The following AUTS2 variants were observed in gnomAD, a reference collection of about 807,000 sequenced individuals.
AUTS2 encodes activator of transcription and developmental regulator AUTS2, also known as autism susceptibility gene 2 protein.
AUTS2 carries 17 observed loss-of-function variants against 112.4 expected under a neutral mutation model. The ratio of observed to expected loss-of-function variants is 0.15; its 90% CI spans 0.10 to 0.23. The LOEUF is 0.23. Ranked by LOEUF, AUTS2 falls within the 10% of genes least tolerant of loss-of-function variation. The probability of loss-of-function intolerance (pLI) is 1.00; values close to 1 mark genes in which losing one functional copy is unlikely to be tolerated. For missense variants in AUTS2, 1,510 were observed against 1,701.6 expected, an observed-to-expected ratio of 0.89 and a Z score of 1.98; for synonymous variants, 751 against 702.7, an observed-to-expected ratio of 1.07 and a Z score of -1.09.
intron 5 of AUTS2, among the ~76,000 whole-genome samples, chr7:70,686,321 G>A (rs1585505633): frequency 6.6e-6 from 1 of 152,130 alleles, no homozygotes; most frequent in Non-Finnish European, 1.5e-5. Flanking sequence ...AGCAAAGTAG[G>A]TGATGTTATG....
At chr7:70,416,957 G>T (rs1466540434) in intron 4 of AUTS2, among the ~76,000 whole-genome samples, 2 of 152,212 alleles carry the variant, frequency 1.3e-5, no homozygotes, top group Non-Finnish European at 2.9e-5. Flanking sequence ...ACACAGGGAT[G>T]ATTTGAAACA....
chr7:70,524,897 A>G (rs1799779732), intron 5 of AUTS2, among the ~76,000 whole-genome samples: 1 of 152,156 alleles, frequency 6.6e-6, no homozygotes, highest in African/African-American at 2.4e-5. Flanking sequence ...TTAAATAGAG[A>G]GAGTGGTAAA....
chr7:70,680,877 T>C (rs1044109630), intron 5 of AUTS2, among the ~76,000 whole-genome samples: 3 of 152,234 alleles, frequency 2.0e-5, no homozygotes, highest in African/African-American at 7.2e-5. Context: ...TTGTTAGTTA[T>C]AGGCGAGTGG....
At chr7:69,711,597 G>A (rs1798326773) in intron 1 of AUTS2, among the ~76,000 whole-genome samples, 1 of 152,074 alleles carries the variant, frequency 6.6e-6, no homozygotes, top group African/African-American at 2.4e-5. Context: ...ACATTTGCTT[G>A]TTTCCTTTAA....
chr7:70,261,315 C>G (rs934868007), intron 4 of AUTS2, among the ~76,000 whole-genome samples: 1 of 152,106 alleles, frequency 6.6e-6, no homozygotes. Context: ...CCATGTTCAC[C>G]TGGGTGCAGG....
At chr7:70,193,502 G>C (rs1164980424) in intron 4 of AUTS2, among the ~76,000 whole-genome samples, 4 of 152,156 alleles carry the variant, frequency 2.6e-5, no homozygotes, top group Non-Finnish European at 5.9e-5. Flanking sequence ...TTGAGGTTTA[G>C]AGACGTAAAG....
At chr7:70,570,062 T>G (rs1278344825) in intron 5 of AUTS2, among the ~76,000 whole-genome samples, 3 of 152,236 alleles carry the variant, frequency 2.0e-5, no homozygotes. Context: ...CCGTGTTAGC[T>G]GTGCTTATAC....
chr7:69,895,491 T>C (rs1186020498), intron 1 of AUTS2, among the ~76,000 whole-genome samples: 2 of 151,952 alleles, frequency 1.3e-5, no homozygotes, highest in Admixed American at 1.3e-4. Context: ...CATTTCTTCT[T>C]ACCTCTTAAG....
chr7:69,794,573 C>T (rs1468996072), intron 1 of AUTS2, among the ~76,000 whole-genome samples: 2 of 152,146 alleles, frequency 1.3e-5, no homozygotes, highest in Non-Finnish European at 2.9e-5. Flanking sequence ...ATGCATGCTT[C>T]ATATACTTCA....
At chr7:70,032,947 G>A (rs76542101) in intron 2 of AUTS2, among the ~76,000 whole-genome samples, 7,266 of 152,190 alleles carry the variant, frequency 0.048, 271 homozygotes, top group East Asian at 0.12. Context: ...TGCATATGGT[G>A]TGACTATATT....
chr7:70,336,283 CCCCCTCCA>C (rs1790986308), intron 4 of AUTS2, among the ~76,000 whole-genome samples: 1 of 137,478 alleles, frequency 7.3e-6, no homozygotes, highest in Non-Finnish European at 1.6e-5. Context: ...CCCAGCTGCA[CCCCCTCCA>C]CCCCACCCAT....
intron 1 of AUTS2, among the ~76,000 whole-genome samples, chr7:69,789,223 G>A (rs1789510469): frequency 6.6e-6 from 1 of 152,038 alleles, no homozygotes; most frequent in Non-Finnish European, 1.5e-5. Flanking sequence ...TTCAGCAATG[G>A]CTCTCAAACT....
chr7:70,183,447 T>A (rs1428399387), intron 4 of AUTS2, among the ~76,000 whole-genome samples: 1 of 152,244 alleles, frequency 6.6e-6, no homozygotes, highest in African/African-American at 2.4e-5. Context: ...GCATTTCTTA[T>A]CCTGGACTTC....
chr7:70,530,145 G>A (rs963224723), intron 5 of AUTS2, among the ~76,000 whole-genome samples: 2 of 152,206 alleles, frequency 1.3e-5, no homozygotes, highest in African/African-American at 4.8e-5. Context: ...GGGAAGATTG[G>A]GAAGGGGGTG....
At chr7:69,773,159 A>G (rs1788738577) in intron 1 of AUTS2, among the ~76,000 whole-genome samples, 1 of 152,140 alleles carries the variant, frequency 6.6e-6, no homozygotes, top group African/African-American at 2.4e-5. Context: ...GTTCATGTAA[A>G]TGCAGTGTCT....
At chr7:70,256,493 C>G (rs187358626) in intron 4 of AUTS2, among the ~76,000 whole-genome samples, 2 of 152,126 alleles carry the variant, frequency 1.3e-5, no homozygotes, top group African/African-American at 4.8e-5. Flanking sequence ...TCCAAGCTGC[C>G]AAGGACCTGC....
At chr7:70,427,680 T>A (rs1212818129) in intron 4 of AUTS2, among the ~76,000 whole-genome samples, 1 of 152,210 alleles carries the variant, frequency 6.6e-6, no homozygotes, top group Non-Finnish European at 1.5e-5. Flanking sequence ...TTCTAATGGG[T>A]GGTAGAATGA....
intron 4 of AUTS2, among the ~76,000 whole-genome samples, chr7:70,275,284 C>G (rs1209328225): frequency 6.6e-6 from 1 of 152,116 alleles, no homozygotes; most frequent in East Asian, 1.9e-4. Context: ...AAACATTATG[C>G]TGATTGAAAT....
intron 4 of AUTS2, among the ~76,000 whole-genome samples, chr7:70,211,799 A>C (rs1810916013): frequency 6.6e-6 from 1 of 151,986 alleles, no homozygotes; most frequent in African/African-American, 2.4e-5. Flanking sequence ...ATCCTGGCTA[A>C]CATGGTGAAA....
Sources: gnomAD v4.1 joint callset for allele counts (sites outside exome capture counted in the v4.1 genomes callset) on GRCh38, gnomAD v4.1.1 for gene constraint, MANE v1.5 for transcripts, NCBI Gene and HGNC (gene_info 2026-07-23, HGNC 2026-07-21) for gene names.